The following CARMIL1 variants were observed in gnomAD, a reference collection of about 807,000 sequenced individuals.
The protein encoded by CARMIL1 is capping protein regulator and myosin 1 linker 1, also known as F-actin-uncapping protein LRRC16A.
A neutral mutation model predicts 177.1 loss-of-function variants in CARMIL1; 90 were observed. The observed-to-expected ratio is 0.51, with a 90% confidence interval of 0.43 to 0.61. The LOEUF is 0.61. CARMIL1 is among the 20% of genes least tolerant of loss of function. CARMIL1 has a pLI of 0.00. For synonymous variants in CARMIL1, 577 were observed against 606.2 expected (o/e 0.95, Z 0.71); for missense variants, 1,380 against 1,667.0 (o/e 0.83, Z 3.00).
chr6:25,380,970 G>A (rs1791468509), intron 2 of CARMIL1, among the ~76,000 whole-genome samples: 2 of 152,102 alleles, frequency 1.3e-5, no homozygotes, highest in Admixed American at 1.3e-4. Context: ...ATGTGTGTTA[G>A]GACTGCTATA....
chr6:25,459,020 T>A (rs1026110704), intron 8 of CARMIL1, among the ~76,000 whole-genome samples: 2 of 152,092 alleles, frequency 1.3e-5, no homozygotes, highest in Non-Finnish European at 2.9e-5. Flanking sequence ...AAAATCCTTA[T>A]GTTACAGAAA....
At chr6:25,396,737 G>A (rs752963247) in intron 2 of CARMIL1, among the ~76,000 whole-genome samples, 6 of 152,146 alleles carry the variant, frequency 3.9e-5, no homozygotes, top group Non-Finnish European at 8.8e-5. Context: ...TTTGCTGTCA[G>A]TAGAAAAGTA....
intron 29 of CARMIL1, chr6:25,563,260 G>A (rs1811289754): frequency 3.0e-6 from 3 of 985,270 alleles, no homozygotes; most frequent in South Asian, 4.7e-5. Context: ...TTTCGTTTAT[G>A]TCAAAAAAGC....
At position 25,449,304 on chromosome 6, in the gene CARMIL1, G is replaced by A. The variant is rs184844803; in HGVS notation, c.372-594G>A. Among the ~76,000 whole-genome samples the A allele has an allele frequency of 7.9e-5, 12 of 152,330 alleles. No homozygotes were observed. In the East Asian group the frequency reaches 2.1e-3, roughly 27 times the overall value. Reference sequence around the variant, plus strand: ...CAGTTCCTGAAAAAGGAAACTTTGGGATGGTTGGCTGTACTTTTAACCACT... The same window carrying A: ...CAGTTCCTGAAAAAGGAAACTTTGGAATGGTTGGCTGTACTTTTAACCACT... On this transcript the variant is annotated intron_variant, in intron 5 of 36. Transcript: ENST00000329474.
chr6:25,590,782 G>A (rs1037241121), intron 31 of CARMIL1, among the ~76,000 whole-genome samples: 2 of 151,978 alleles, frequency 1.3e-5, no homozygotes, highest in African/African-American at 4.8e-5. Flanking sequence ...ATTCGTTTAA[G>A]TTTTTAATTT....
intron 8 of CARMIL1, among the ~76,000 whole-genome samples, chr6:25,457,674 G>A (rs895086547): frequency 1.6e-4 from 24 of 152,286 alleles, no homozygotes; most frequent in African/African-American, 5.1e-4. Flanking sequence ...GCCGTTCCAC[G>A]AGAGTGCATA....
intron 29 of CARMIL1, among the ~76,000 whole-genome samples, chr6:25,580,148 C>G (rs1812996114): frequency 6.6e-6 from 1 of 152,180 alleles, no homozygotes; most frequent in South Asian, 2.1e-4. Context: ...GAATGTTAGC[C>G]TTTGTCATCT....
rs755694774 is a variant in CARMIL1 at position 25,540,007 on chromosome 6, T to C, written c.2257T>C (p.Ser753Pro). ...ASWAGASGLLSSPIQETLESM... is the reference protein window; with the variant it reads ...ASWAGASGLLPSPIQETLESM... ...TTGGGCGGGAGCCAGTGGCTTACTA[T>C]CCAGTCCAATTCAGGAGACCCTGGA... Residue 753 changes from serine to proline, a missense_variant, in exon 26 of 37, where the codon TCC becomes CCC. Physicochemically the swap from Ser to Pro is moderately conservative, Grantham distance 74. Transcript: ENST00000329474. 9 of 1,609,116 alleles carry C rather than the reference T, an allele frequency of 5.6e-6. No homozygotes were observed. In the African/African-American group the frequency reaches 1.1e-4, roughly 19 times the overall value.
chr6:25,346,009 A>G (rs1220074405), intron 2 of CARMIL1, among the ~76,000 whole-genome samples: 1 of 152,090 alleles, frequency 6.6e-6, no homozygotes, highest in African/African-American at 2.4e-5. Context: ...ATTTCTTATC[A>G]CCTTTATTGC....
chr6:25,481,102 A>ATT (rs796145326), intron 11 of CARMIL1, among the ~76,000 whole-genome samples: 4 of 141,460 alleles, frequency 2.8e-5, no homozygotes, highest in African/African-American at 1.0e-4. Context: ...TTAGTCACTT[A>ATT]TTTTTTTTTT....
At chr6:25,365,498 T>C (rs1333638991) in intron 2 of CARMIL1, among the ~76,000 whole-genome samples, 1 of 152,174 alleles carries the variant, frequency 6.6e-6, no homozygotes, top group Non-Finnish European at 1.5e-5. Flanking sequence ...AGATGCTGTA[T>C]ATTTAAGAAA....
At chr6:25,568,081 C>T (rs566122681) in intron 29 of CARMIL1, among the ~76,000 whole-genome samples, 86 of 152,266 alleles carry the variant, frequency 5.6e-4, no homozygotes, top group African/African-American at 2.0e-3. Context: ...TGGCCTTTGA[C>T]GTATGTGCTG....
At chr6:25,507,388 T>G (rs900424351) in intron 17 of CARMIL1, 2 of 152,604 alleles carry the variant, frequency 1.3e-5, no homozygotes, top group African/African-American at 4.8e-5. Flanking sequence ...TTTTTACATT[T>G]TGTATTGATA....
At chr6:25,302,001 T>G (rs1344331322) in intron 2 of CARMIL1, among the ~76,000 whole-genome samples, 1 of 151,714 alleles carries the variant, frequency 6.6e-6, no homozygotes, top group Non-Finnish European at 1.5e-5. Context: ...CTATTTCTTT[T>G]GAGGGAGATG....
intron 2 of CARMIL1, among the ~76,000 whole-genome samples, chr6:25,299,098 C>T (rs1010116081): frequency 6.6e-5 from 10 of 150,610 alleles, no homozygotes; most frequent in Non-Finnish European, 1.2e-4. Flanking sequence ...GTGCAGGGTG[C>T]ATTATCTGAG....
chr6:25,436,659 C>T (rs377401088), intron 5 of CARMIL1, among the ~76,000 whole-genome samples: 7 of 152,322 alleles, frequency 4.6e-5, no homozygotes, highest in East Asian at 1.9e-4. Flanking sequence ...CACAGCCCTT[C>T]GCAGGGCTCT....
intron 2 of CARMIL1, among the ~76,000 whole-genome samples, chr6:25,359,591 C>G (rs1788978830): frequency 6.6e-6 from 1 of 152,210 alleles, no homozygotes; most frequent in Non-Finnish European, 1.5e-5. Flanking sequence ...AGGAAGCACT[C>G]TGATGATCCA....
At chr6:25,507,904 T>G (rs371008300) in intron 17 of CARMIL1, among the ~76,000 whole-genome samples, 4 of 152,152 alleles carry the variant, frequency 2.6e-5, no homozygotes, top group South Asian at 4.1e-4. Flanking sequence ...GTAGTAAATA[T>G]CTGTAGTAAA....
intron 31 of CARMIL1, 42 bp from the exon 32 acceptor site, chr6:25,594,373 C>A: frequency 8.0e-7 from 1 of 1,251,400 alleles, no homozygotes. Context: ...TTTGCTAAAT[C>A]AAGGTGCATG....
Sources: allele counts gnomAD v4.1 joint callset (sites outside exome capture counted in the v4.1 genomes callset), GRCh38; gene constraint gnomAD v4.1.1; transcripts MANE v1.5; gene names NCBI Gene and HGNC (gene_info 2026-07-23, HGNC 2026-07-21).